DMD: variants seen among roughly 807,000 people sequenced by gnomAD.
DMD encodes mutant dystrophin.
Under a neutral mutation model 330.1 loss-of-function variants are expected in DMD, and 63 were observed. The observed-to-expected ratio is 0.19, with a 90% CI of 0.16 to 0.24. DMD has a LOEUF of 0.24. Ranked by LOEUF, DMD falls within the 10% of genes least tolerant of loss-of-function variation. The probability of loss-of-function intolerance (pLI) is 1.00; values close to 1 mark genes in which losing one functional copy is unlikely to be tolerated. For synonymous variants in DMD, 1,223 were observed against 959.8 expected (o/e 1.27, Z -5.07); for missense variants, 3,344 against 2,684.1 (o/e 1.25, Z -5.43).
At chrX:32,249,954 T>G (rs947309938) in intron 43 of DMD, among the ~76,000 whole-genome samples, 2 of 108,529 alleles carry the variant, frequency 1.8e-5, no homozygotes, top group African/African-American at 6.9e-5. Context: ...CTTCCTTCAT[T>G]TTCTGATTAA....
At chrX:32,685,385 C>G (rs1034658554) in intron 9 of DMD, among the ~76,000 whole-genome samples, 1 of 111,592 alleles carries the variant, frequency 9.0e-6, no homozygotes, top group Non-Finnish European at 1.9e-5. Context: ...ATAATTGCCA[C>G]TGGATTTAGC....
chrX:31,764,811 T>C (rs1239240661), intron 51 of DMD, among the ~76,000 whole-genome samples: 1 of 111,865 alleles, frequency 8.9e-6, no homozygotes, highest in Non-Finnish European at 1.9e-5. Flanking sequence ...TAATACAGTA[T>C]ATATTCTTTT....
At chrX:32,058,188 G>C (rs1354469815) in intron 44 of DMD, among the ~76,000 whole-genome samples, 2 of 110,282 alleles carry the variant, frequency 1.8e-5, no homozygotes, top group African/African-American at 6.6e-5. Flanking sequence ...ATTTTTTTTG[G>C]ATATGACGCT....
intron 43 of DMD, among the ~76,000 whole-genome samples, chrX:32,280,960 C>T (rs1305672486): frequency 1.8e-5 from 2 of 112,296 alleles, no homozygotes; most frequent in Non-Finnish European, 3.8e-5. Context: ...AATACAGAGA[C>T]GATTAGGGAC....
intron 30 of DMD, among the ~76,000 whole-genome samples, 172 bp downstream of exon 30, chrX:32,411,580 G>A (rs752344150): frequency 6.5e-4 from 72 of 111,439 alleles, no homozygotes; most frequent in Non-Finnish European, 1.1e-3. Context: ...ATAAATCTTA[G>A]ACTAATGATC....
At position 32,302,671 on chromosome X, in the gene DMD, C is replaced by T. The variant is rs976111525; in HGVS notation, c.6117+7411G>A. Among the ~76,000 whole-genome samples the T allele has an allele frequency of 4.5e-5, 5 of 110,939 alleles. No individual in the cohort carries two copies. The Admixed American group carries it at 4.8e-4, about 11-fold the overall frequency. ...GGTAATTTGTTTTTAGGATACTTTA[C>T]GTGGAAATTTATAACTTTCTTAGAA... is the stretch of plus-strand genomic sequence containing the variant. On this transcript the variant is annotated intron_variant, in intron 42 of 78. Coordinates refer to ENST00000357033, the MANE Select transcript of DMD (RefSeq NM_004006.3).
At chrX:31,341,885 G>GCACACACACA (rs1569529194) in intron 61 of DMD, among the ~76,000 whole-genome samples, 2 of 66,908 alleles carry the variant, frequency 3.0e-5, no homozygotes, top group African/African-American at 1.3e-4. Flanking sequence ...GCGTGCGTGC[G>GCACACACACA]CGCGCGCACA....
intron 41 of DMD, among the ~76,000 whole-genome samples, chrX:32,335,208 CT>C (rs72077168): frequency 1.0e-4 from 11 of 108,376 alleles, no homozygotes; most frequent in African/African-American, 3.3e-4. Flanking sequence ...TTAAGGACTA[CT>C]TTTTTTTCTT....
chrX:32,287,626 T>C lies in DMD; in HGVS notation c.6193A>G (p.Ser2065Gly). Residue 2065 changes from serine to glycine, a missense_variant, in exon 43 of 79, where the codon AGT (serine) becomes GGT (glycine). Coordinates refer to ENST00000357033, the MANE Select transcript of DMD (RefSeq NM_004006.3). ...TTCACCCTTTCCACAGGCGTTGCAC[T>C]TTGCAATGCTGCTGTCTTCTTGCTA... ...IHSKKTAALQ[S>G]ATPVERVKLQ... is the part of the protein sequence containing the mutation. 3 of 1,209,591 alleles carry C rather than the reference T, an allele frequency of 2.5e-6. No individual in the cohort carries two copies. Among genetic ancestry groups the C allele is most frequent in the South Asian group, 1.8e-5 (1 of 56,859 alleles).
chrX:32,355,554 T>C (rs1439619753), intron 37 of DMD, among the ~76,000 whole-genome samples: 1 of 111,717 alleles, frequency 9.0e-6, no homozygotes, highest in Non-Finnish European at 1.9e-5. Context: ...CCAAACTCAA[T>C]TACACATCTA....
chrX:31,673,731 CAAACTAGAG>C (rs1287931856), intron 53 of DMD, among the ~76,000 whole-genome samples: 1 of 111,927 alleles, frequency 8.9e-6, no homozygotes, highest in Non-Finnish European at 1.9e-5. Flanking sequence ...TTGTGAAAAG[CAAACTAGAG>C]AAAATATGGT....
At chrX:33,145,017 T>G (rs1432299688) in intron 1 of DMD, among the ~76,000 whole-genome samples, 1 of 112,016 alleles carries the variant, frequency 8.9e-6, no homozygotes, top group East Asian at 2.8e-4. Context: ...GCATAAGACC[T>G]GTATAGAATA....
Position 31,178,771 on chromosome X carries a change from T to C in DMD, c.10121A>G (p.Lys3374Arg). The C allele has an allele frequency of 1.7e-6, 2 of 1,211,249 alleles. No individual in the cohort carries two copies. Among genetic ancestry groups the C allele is most frequent in the Non-Finnish European group, 2.2e-6 (2 of 894,920 alleles). The change falls in exon 70 of 79, where the codon AAG (lysine) becomes AGG (arginine). Residue 3374 changes from lysine to arginine, a missense_variant. Physicochemically the swap from Lys to Arg is conservative, Grantham distance 26 (BLOSUM62 2). Coordinates refer to ENST00000357033, the MANE Select transcript of DMD (RefSeq NM_004006.3). ...GGTTCGAAATTTGTTTTTTAGTACC[T>C]TGGCAAAGTCTCGAACATCTTCTCC... ...TSGEDVRDFA[K>R]VLKNKFRTKR... is the part of the protein sequence containing the mutation.
At chrX:31,621,072 T>A in intron 55 of DMD, among the ~76,000 whole-genome samples, 1 of 111,942 alleles carries the variant, frequency 8.9e-6, no homozygotes, top group Non-Finnish European at 1.9e-5. Flanking sequence ...CACTTACAGA[T>A]ACCTCAAAAT....
At chrX:32,737,988 G>A (rs924186656) in intron 7 of DMD, among the ~76,000 whole-genome samples, 6 of 111,448 alleles carry the variant, frequency 5.4e-5, no homozygotes, top group African/African-American at 1.3e-4. Context: ...ATTCAAAAAC[G>A]GCTTCATATA....
chrX:32,895,708 G>T (rs1324632479), intron 2 of DMD, among the ~76,000 whole-genome samples: 2 of 111,702 alleles, frequency 1.8e-5, no homozygotes, highest in African/African-American at 3.3e-5. Flanking sequence ...TTAGCAAGAA[G>T]AATTGGAGTG....
chrX:32,764,937 C>G (rs1041795067), intron 7 of DMD, among the ~76,000 whole-genome samples: 12 of 101,779 alleles, frequency 1.2e-4, no homozygotes, highest in Non-Finnish European at 1.8e-4. Context: ...TCCACATCCT[C>G]AACCATATTT....
At chrX:32,050,133 C>T (rs1487058652) in intron 44 of DMD, among the ~76,000 whole-genome samples, 1 of 111,377 alleles carries the variant, frequency 9.0e-6, no homozygotes, top group Non-Finnish European at 1.9e-5. Flanking sequence ...TTTAATAAAA[C>T]AAATGTGCAG....
At chrX:32,889,951 T>C (rs1299212127) in intron 2 of DMD, among the ~76,000 whole-genome samples, 1 of 111,496 alleles carries the variant, frequency 9.0e-6, no homozygotes, top group Non-Finnish European at 1.9e-5. Context: ...ATCTCAGTCC[T>C]AAATTGGCTG....
Sources: allele counts gnomAD v4.1 joint callset (sites outside exome capture counted in the v4.1 genomes callset), GRCh38; gene constraint gnomAD v4.1.1; transcripts MANE v1.5; gene names NCBI Gene and HGNC (gene_info 2026-07-23, HGNC 2026-07-21).